Variants in INSC observed in about 807,000 individuals in gnomAD.
The protein encoded by INSC is protein inscuteable homolog.
A neutral mutation model predicts 58.6 loss-of-function variants in INSC; 67 were observed. The ratio of observed to expected loss-of-function variants is 1.14; its 90% confidence interval spans 0.94 to 1.40. The LOEUF (loss-of-function observed/expected upper bound fraction) is 1.40, where lower values mean the gene tolerates loss of function less well. Ranked by LOEUF, INSC falls within the 40% of genes most tolerant of loss-of-function variation. The pLI, the probability that INSC is intolerant of heterozygous loss-of-function variation, is 0.00. For synonymous variants in INSC, 262 were observed against 276.1 expected (o/e 0.95, Z 0.51); for missense variants, 714 against 692.0 (o/e 1.03, Z -0.36).
chr11:15,113,143 T>TCTCTCTC (rs1847611291), upstream of INSC, among the ~76,000 whole-genome samples: 8 of 98,634 alleles, frequency 8.1e-5, no homozygotes, highest in African/African-American at 2.8e-4. Flanking sequence ...CTTTCTTTCT[T>TCTCTCTC]TCTGTCTCTC....
chr11:15,143,815 C>T (rs1157497971), intron 1 of INSC, among the ~76,000 whole-genome samples: 2 of 152,152 alleles, frequency 1.3e-5, no homozygotes, highest in Non-Finnish European at 2.9e-5. Context: ...TCAGGCAAGA[C>T]ATCCAGATCT....
intron 7 of INSC, among the ~76,000 whole-genome samples, chr11:15,220,112 G>A (rs1366300850): frequency 1.3e-5 from 2 of 152,226 alleles, no homozygotes; most frequent in Admixed American, 6.5e-5. Context: ...GCTCCCAAGA[G>A]CCATTTAAGG....
intron 9 of INSC, among the ~76,000 whole-genome samples, chr11:15,227,243 T>C (rs1440488894): frequency 6.6e-6 from 1 of 152,186 alleles, no homozygotes; most frequent in African/African-American, 2.4e-5. Context: ...AGTGCAGCTG[T>C]TGAACCACAG....
At position 15,247,043 on chromosome 11, in the gene INSC, A is replaced by G. The variant is rs1373014360; in HGVS notation, c.*1003A>G. The G allele has an allele frequency of 6.7e-6, 1 of 150,050 alleles. No homozygotes were observed. Among genetic ancestry groups the G allele is most frequent in the Non-Finnish European group, 1.5e-5 (1 of 67,688 alleles). 9.3% of individuals were successfully genotyped at this position (150,050 alleles called of 1,614,324 possible). On this transcript the variant is annotated 3_prime_UTR_variant, in exon 13 of 13. Transcript: ENST00000379556. ...CAGCTTTCGCTTTTTTTTTTTTTAG[A>G]GAGAGCTGGTTTACCAATTTCACTG...
chr11:15,226,811 A>G (rs1680600378), intron 9 of INSC, among the ~76,000 whole-genome samples: 1 of 3,136 alleles, frequency 3.2e-4, no homozygotes, highest in Non-Finnish European at 5.0e-3. Context: ...TGACTTATCT[A>G]ATGAGGTTAT....
intron 7 of INSC, among the ~76,000 whole-genome samples, chr11:15,202,765 C>T (rs1232089643): frequency 1.3e-5 from 2 of 152,184 alleles, no homozygotes; most frequent in Non-Finnish European, 2.9e-5. Flanking sequence ...GTTTTCAATT[C>T]AGGGAAGAAA....
At chr11:15,143,359 A>G (rs1848418928) in intron 1 of INSC, among the ~76,000 whole-genome samples, 1 of 152,116 alleles carries the variant, frequency 6.6e-6, no homozygotes, top group South Asian at 2.1e-4. Context: ...ACCAAGGAAT[A>G]ACTTGGTGAG....
intron 7 of INSC, among the ~76,000 whole-genome samples, chr11:15,207,912 G>A (rs939302353): frequency 6.6e-6 from 1 of 152,144 alleles, no homozygotes; most frequent in African/African-American, 2.4e-5. Flanking sequence ...AGGCTGGAAA[G>A]GATAGAGATA....
At chr11:15,239,459 A>T (rs897576082) in intron 11 of INSC, among the ~76,000 whole-genome samples, 1 of 152,124 alleles carries the variant, frequency 6.6e-6, no homozygotes, top group African/African-American at 2.4e-5. Flanking sequence ...TTATTCATTA[A>T]CCCATTCATG....
chr11:15,217,758 A>C (rs527462560), intron 7 of INSC, among the ~76,000 whole-genome samples: 2 of 152,346 alleles, frequency 1.3e-5, no homozygotes, highest in South Asian at 4.1e-4. Context: ...AAGCCAAAAC[A>C]AACCAAATCA....
At chr11:15,167,727 T>A (rs1849252100) in intron 2 of INSC, among the ~76,000 whole-genome samples, 1 of 151,984 alleles carries the variant, frequency 6.6e-6, no homozygotes, top group Admixed American at 6.6e-5. Flanking sequence ...CAAGGGATCC[T>A]CCCACCTCCA....
At chr11:15,252,544 G>A in the INSC span, among the ~76,000 whole-genome samples, 19,257 of 152,194 alleles carry the variant, frequency 0.13, 1,387 homozygotes, top group Middle Eastern at 0.17. Flanking sequence ...GAGCCTCTCC[G>A]CAGGCTGCTT....
intron 7 of INSC, among the ~76,000 whole-genome samples, chr11:15,207,857 AG>A (rs1451778805): frequency 1.2e-4 from 18 of 152,224 alleles, no homozygotes; most frequent in African/African-American, 4.3e-4. Flanking sequence ...TAAGGAAGGC[AG>A]GGAGAGATGG....
the INSC span, among the ~76,000 whole-genome samples, chr11:15,256,827 C>A: frequency 1.3e-5 from 2 of 152,068 alleles, no homozygotes; most frequent in South Asian, 4.1e-4. Flanking sequence ...CATCAAAAGA[C>A]AATGGGCTTG....
intron 1 of INSC, among the ~76,000 whole-genome samples, chr11:15,116,870 T>TTTCC (rs1847723435): frequency 2.7e-4 from 17 of 64,104 alleles, no homozygotes; most frequent in African/African-American, 1.2e-3. Context: ...TCTCTCTCTC[T>TTTCC]CTCTCTCCCC....
chr11:15,137,428 A>G (rs1590347499), intron 1 of INSC, among the ~76,000 whole-genome samples: 1 of 152,220 alleles, frequency 6.6e-6, no homozygotes, highest in East Asian at 1.9e-4. Context: ...CATAGATGGC[A>G]TCTTCTTCAA....
chr11:15,221,418 G>A, intron 7 of INSC, 59 bp from the exon 8 acceptor site: 1 of 1,540,886 alleles, frequency 6.5e-7, no homozygotes, highest in South Asian at 1.2e-5. Flanking sequence ...TCTCATTAAT[G>A]TCATGGGCAG....
At chr11:15,200,364 G>T (rs943285554) in intron 6 of INSC, among the ~76,000 whole-genome samples, 1 of 152,102 alleles carries the variant, frequency 6.6e-6, no homozygotes, top group Admixed American at 6.6e-5. Flanking sequence ...GAATAGCATG[G>T]TGACTGTTGG....
At chr11:15,236,332 G>A (rs886886576) in intron 10 of INSC, among the ~76,000 whole-genome samples, 3 of 152,008 alleles carry the variant, frequency 2.0e-5, no homozygotes, top group Non-Finnish European at 2.9e-5. Context: ...AGGGTCATGA[G>A]GAGAAGGCAA....
Sources: allele counts gnomAD v4.1 joint callset (sites outside exome capture counted in the v4.1 genomes callset), GRCh38; gene constraint gnomAD v4.1.1; transcripts MANE v1.5; gene names NCBI Gene and HGNC (gene_info 2026-07-23, HGNC 2026-07-21).